NFATC2: variants seen among roughly 807,000 people sequenced by gnomAD.
NFATC2 encodes the protein nuclear factor of activated T cells 2.
A neutral mutation model predicts 87.3 loss-of-function variants in NFATC2; 22 were observed. That is an observed-to-expected ratio of 0.25 (90% confidence interval 0.18 to 0.36). The LOEUF (loss-of-function observed/expected upper bound fraction) is 0.36, where lower values mean the gene tolerates loss of function less well. Ranked by LOEUF, NFATC2 falls within the 10% of genes least tolerant of loss-of-function variation. The probability of loss-of-function intolerance (pLI) is 1.00; values close to 1 mark genes in which losing one functional copy is unlikely to be tolerated. For missense variants in NFATC2, 1,149 were observed against 1,259.1 expected (o/e 0.91, Z 1.32); for synonymous variants, 565 against 542.2 (o/e 1.04, Z -0.58).
intron 9 of NFATC2, among the ~76,000 whole-genome samples, chr20:51,412,741 G>A (rs558373733): frequency 3.9e-5 from 6 of 152,088 alleles, no homozygotes; most frequent in Non-Finnish European, 7.4e-5. Flanking sequence ...TGCTATCTTC[G>A]GGAGGAGCAG....
chr20:51,482,879 C>G (rs1003016344), intron 3 of NFATC2, among the ~76,000 whole-genome samples: 7 of 152,198 alleles, frequency 4.6e-5, no homozygotes, highest in Admixed American at 3.9e-4. Flanking sequence ...GTCCTCTTGT[C>G]ATTGAATCTT....
chr20:51,432,838 G>A lies in NFATC2; in HGVS notation c.2033-82C>T. On this transcript the variant is annotated intron_variant, in intron 8 of 10. Coordinates refer to ENST00000371564, the MANE Select transcript of NFATC2 (RefSeq NM_012340.5). The surrounding 1 kb of genome is among the most constrained non-coding windows in gnomAD (Gnocchi z 4.6). ...CGGAGGATTCGTGGATGGTGCTTGA[G>A]AACATGGCCTTGGGAGTCCATACGG... 1 of 1,301,962 alleles carries A rather than the reference G, an allele frequency of 7.7e-7. No individual in the cohort carries two copies. Among genetic ancestry groups the A allele is most frequent in the Non-Finnish European group, 1.0e-6 (1 of 978,874 alleles). The allele number at this position is 1,301,962 out of a possible 1,614,324, so 80.7% of individuals were successfully genotyped here.
chr20:51,422,425 G>A (rs1981070737), intron 9 of NFATC2, among the ~76,000 whole-genome samples: 1 of 152,072 alleles, frequency 6.6e-6, no homozygotes, highest in South Asian at 2.1e-4. Flanking sequence ...ACTCTGGATG[G>A]GCAAAACAGG....
At chr20:51,456,968 TGGCTTTTCCCAACCCCAGCTCAGCCCA>T in intron 5 of NFATC2, among the ~76,000 whole-genome samples, 1 of 152,318 alleles carries the variant, frequency 6.6e-6, no homozygotes, top group East Asian at 1.9e-4. Context: ...AATCCCCTGA[TGGCTTTTCCCAACCCCAGCTCAGCCCA>T]GGCACCCTCT....
rs141849935 is a variant in NFATC2 at position 51,413,627 on chromosome 20, A to G, written c.2723-14897T>C. On this transcript the variant is annotated intron_variant, in intron 9 of 10. Coordinates refer to ENST00000371564, the MANE Select transcript of NFATC2 (RefSeq NM_012340.5). ...AGAAAAAACAGCCAGGAGTGGTGGC[A>G]CACGCCTATAGTCCAGCTACCCAGG... Among the ~76,000 whole-genome samples the G allele has an allele frequency of 7.5e-3, 1,136 of 152,242 alleles. 14 individuals are homozygous for G. The highest frequency in any genetic ancestry group is 0.026 in the African/African-American group (1,069 of 41,538).
chr20:51,416,254 A>T (rs1338927073), intron 9 of NFATC2, among the ~76,000 whole-genome samples: 1 of 151,836 alleles, frequency 6.6e-6, no homozygotes, highest in Non-Finnish European at 1.5e-5. Flanking sequence ...AGAGAGTGAG[A>T]CTCTGTCTCA....
At chr20:51,534,763 C>T (rs918023275) in intron 1 of NFATC2, among the ~76,000 whole-genome samples, 2 of 152,140 alleles carry the variant, frequency 1.3e-5, no homozygotes, top group African/African-American at 2.4e-5. Context: ...TCTCTGTGGC[C>T]CCCCTGAAGC....
At chr20:51,461,390 A>G (rs865787681) in intron 5 of NFATC2, among the ~76,000 whole-genome samples, 1 of 152,230 alleles carries the variant, frequency 6.6e-6, no homozygotes, top group Non-Finnish European at 1.5e-5. Flanking sequence ...GGCCTGGCTC[A>G]GGCCTGCGGG....
chr20:51,449,132 G>A (rs1985456698), intron 6 of NFATC2, among the ~76,000 whole-genome samples: 2 of 152,158 alleles, frequency 1.3e-5, no homozygotes, highest in South Asian at 4.1e-4. Context: ...TCCTTAATGT[G>A]AGAAACAGCT....
At chr20:51,521,765 T>C (rs2146713357) in intron 2 of NFATC2, among the ~76,000 whole-genome samples, 1 of 152,358 alleles carries the variant, frequency 6.6e-6, no homozygotes, top group African/African-American at 2.4e-5. Flanking sequence ...TCTCTGGCCT[T>C]AGCCCTCATG....
Position 51,502,809 on chromosome 20 carries a change from C to T in NFATC2, c.1332+13975G>A, listed in dbSNP as rs559582447. Among the ~76,000 whole-genome samples, 5 of 152,292 alleles carry T rather than the reference C, an allele frequency of 3.3e-5. No individual in the cohort carries two copies. The South Asian group carries it at 1.0e-3, about 32-fold the overall frequency. On this transcript the variant is annotated intron_variant, in intron 3 of 10. Coordinates refer to ENST00000371564, the MANE Select transcript of NFATC2 (RefSeq NM_012340.5). ...AAAACTATTCCTAGGACAGCATTTA[C>T]AGTTTTACAATAAATGTCAAATAGG...
chr20:51,519,010 G>A (rs943597670), intron 2 of NFATC2, among the ~76,000 whole-genome samples: 27 of 151,784 alleles, frequency 1.8e-4, no homozygotes, highest in Non-Finnish European at 3.1e-4. Flanking sequence ...TTACAGGTGT[G>A]AGCCACTGCG....
chr20:51,542,752 G>GGGA, upstream of NFATC2: 1 of 598,160 alleles, frequency 1.7e-6, no homozygotes, highest in Non-Finnish European at 2.0e-6. Flanking sequence ...GGGGAGGCGG[G>GGGA]GGGGGGGGGG....
At chr20:51,474,185 A>G in intron 4 of NFATC2, 33 bp from the exon 5 acceptor site, 1 of 1,608,526 alleles carries the variant, frequency 6.2e-7, no homozygotes, top group Non-Finnish European at 8.5e-7. Flanking sequence ...ATTGTCACCA[A>G]CTACCTTCAG....
intron 6 of NFATC2, among the ~76,000 whole-genome samples, chr20:51,454,020 A>T (rs541060640): frequency 6.4e-4 from 97 of 152,362 alleles, no homozygotes; most frequent in African/African-American, 2.2e-3. Flanking sequence ...AGTAGCCAAT[A>T]TTAATTGGCT....
chr20:51,463,378 C>T (rs1040285558), intron 5 of NFATC2, among the ~76,000 whole-genome samples: 1 of 152,080 alleles, frequency 6.6e-6, no homozygotes, highest in African/African-American at 2.4e-5. Context: ...GCCTCGGTGG[C>T]GGGGGGCCTC....
At chr20:51,487,923 A>G (rs1989852264) in intron 3 of NFATC2, among the ~76,000 whole-genome samples, 1 of 152,134 alleles carries the variant, frequency 6.6e-6, no homozygotes, top group South Asian at 2.1e-4. Context: ...GGCTCTCTGC[A>G]TAACTCTTAG....
chr20:51,497,100 G>A (rs1448942235), intron 3 of NFATC2, among the ~76,000 whole-genome samples: 3 of 152,118 alleles, frequency 2.0e-5, no homozygotes, highest in Non-Finnish European at 4.4e-5. Context: ...GAGGGGACAG[G>A]GGCTTGGTTA....
intron 5 of NFATC2, among the ~76,000 whole-genome samples, chr20:51,455,944 A>G (rs1398014639): frequency 1.8e-4 from 5 of 28,430 alleles, no homozygotes; most frequent in African/African-American, 5.2e-4. Context: ...GGGTAGATGG[A>G]TGGATGAGTG....
Sources: gnomAD v4.1 joint callset for allele counts (sites outside exome capture counted in the v4.1 genomes callset) on GRCh38, gnomAD v4.1.1 for gene constraint, Gnocchi (gnomAD v3.1) non-coding constraint, MANE v1.5 for transcripts, NCBI Gene and HGNC (gene_info 2026-07-23, HGNC 2026-07-21) for gene names.